Variants in BRCA1 observed in about 807,000 individuals in gnomAD.
BRCA1 encodes breast cancer type 1 susceptibility protein.
BRCA1 carries 140 observed loss-of-function variants against 173.7 expected under a neutral mutation model. The ratio of observed to expected loss-of-function variants is 0.81; its 90% CI spans 0.70 to 0.93. The LOEUF (loss-of-function observed/expected upper bound fraction) is 0.93, where lower values mean the gene tolerates loss of function less well. Ranked by LOEUF, BRCA1 falls within the 40% of genes least tolerant of loss-of-function variation. BRCA1 has a pLI of 0.00. For missense variants in BRCA1, 1,983 were observed against 2,172.5 expected, an observed-to-expected ratio of 0.91 and a Z score of 1.73; for synonymous variants, 662 against 756.0, an observed-to-expected ratio of 0.88 and a Z score of 2.04.
chr17:43,115,035 GCAAA>G (rs767911101), intron 3 of BRCA1, among the ~76,000 whole-genome samples: 74 of 152,244 alleles, frequency 4.9e-4, no homozygotes, highest in Non-Finnish European at 9.6e-4. Flanking sequence ...TACAAAGCGG[GCAAA>G]CACTGACCCT....
rs1555599187 is a variant in BRCA1, at chr17:43,115,717, C to G, written c.134+9G>C. 6.2e-7 allele frequency: 1 copy of G among 1,612,636 alleles called. No homozygotes were observed. Among genetic ancestry groups the G allele is most frequent in the Non-Finnish European group, 8.5e-7 (1 of 1,179,146 alleles). On this transcript the variant is annotated intron_variant, in intron 3 of 22. Transcript: ENST00000357654. The stretch of plus-strand genomic sequence containing the variant: ...TAATAATGGAGCCACATAACACATT[C>G]AAACTTACTTGCAAAATATGTGGTC...
chr17:43,110,588 A>C, intron 3 of BRCA1: 1 of 144,366 alleles, frequency 6.9e-6, no homozygotes. Flanking sequence ...ACCCTGTCTC[A>C]AAAAAAAAAA....
At chr17:43,067,349 G>A (rs754753105) in intron 16 of BRCA1, 11 of 343,862 alleles carry the variant, frequency 3.2e-5, no homozygotes, top group Non-Finnish European at 5.5e-5. Flanking sequence ...CCATCTCCCC[G>A]GTTCAAGTGA....
chr17:43,082,688 T>C (rs2053077787), intron 11 of BRCA1, 113 bp from the exon 12 acceptor site: 4 of 1,160,686 alleles, frequency 3.4e-6, no homozygotes, highest in Non-Finnish European at 5.0e-6. Context: ...TCACCTAGTA[T>C]GGAACTACAA....
intron 19 of BRCA1, 43 bp downstream of exon 19, chr17:43,057,009 T>C (rs770045451): frequency 1.3e-6 from 2 of 1,566,348 alleles, no homozygotes; most frequent in Non-Finnish European, 8.8e-7. Context: ...GAATACAGAG[T>C]GGTGGGGTGA....
chr17:43,065,116 C>G (rs1177686653), intron 16 of BRCA1, among the ~76,000 whole-genome samples: 1 of 152,176 alleles, frequency 6.6e-6, no homozygotes, highest in Non-Finnish European at 1.5e-5. Flanking sequence ...AGGCCTGAGC[C>G]ACCACGCTTG....
At chr17:43,064,642 C>T (rs1405325004) in intron 16 of BRCA1, among the ~76,000 whole-genome samples, 2 of 151,954 alleles carry the variant, frequency 1.3e-5, no homozygotes, top group Admixed American at 6.6e-5. Context: ...TATCTGCAAG[C>T]AGCAGCAGCA....
intron 2 of BRCA1, 24 bp downstream of exon 2, chr17:43,123,989 AAATT>A: frequency 6.4e-7 from 1 of 1,563,594 alleles, no homozygotes; most frequent in Non-Finnish European, 8.8e-7. Context: ...TAGGAATCCC[AAATT>A]AATACACTCT....
At chr17:43,086,462 A>C (rs1401657759) in intron 11 of BRCA1, among the ~76,000 whole-genome samples, 1 of 152,188 alleles carries the variant, frequency 6.6e-6, no homozygotes, top group Non-Finnish European at 1.5e-5. Context: ...CAGTACAAAA[A>C]GGGAAAAAAA....
chr17:43,093,391 T>C lies in BRCA1; in HGVS notation c.2140A>G (p.Asn714Asp), dbSNP rs568312345. Residue 714 changes from asparagine (N) to aspartate (D), a missense_variant, in exon 10 of 23, where the codon AAT (asparagine) becomes GAT (aspartate). Physicochemically the swap from Asn to Asp is conservative, Grantham distance 23. Transcript: ENST00000357654. Reference sequence around the variant, plus strand: ...ACAAATTCTTTAAGTTCACTGGTATTTGAACACTTAGTAAAAGAACCAGGT... The same window carrying C: ...ACAAATTCTTTAAGTTCACTGGTATCTGAACACTTAGTAAAAGAACCAGGT... ...NAPGSFTKCS[N>D]TSELKEFVNP... The C allele has an allele frequency of 1.2e-6, 2 of 1,614,102 alleles. No homozygotes were observed. Among genetic ancestry groups the C allele is most frequent in the South Asian group, 1.1e-5 (1 of 91,086 alleles).
chr17:43,126,143 G>C (rs1212820219), upstream of BRCA1, among the ~76,000 whole-genome samples: 6 of 152,228 alleles, frequency 3.9e-5, no homozygotes. Flanking sequence ...CGCCGAATTT[G>C]CCTGGGGCAG....
In BRCA1 at chr17:43,153,366, T is replaced by C. The variant is rs537110001; in HGVS notation, c.-20+16760A>G. Among the ~76,000 whole-genome samples, 34 of 152,342 alleles carry C rather than the reference T, an allele frequency of 2.2e-4. No individual in the cohort carries two copies. The East Asian group carries it at 6.0e-3, about 27-fold the overall frequency. On this transcript the variant is annotated intron_variant, in intron 1 of 7. Coordinates refer to the BRCA1 transcript ENST00000634433. ...TGTGGCTAGTGAGCCTTATCTCTCC[T>C]CCTTTCCCAGGCACTGTGAAGATCC...
intron 13 of BRCA1, among the ~76,000 whole-genome samples, chr17:43,074,887 C>T (rs2052638099): frequency 6.6e-6 from 1 of 150,410 alleles, no homozygotes; most frequent in African/African-American, 2.5e-5. Flanking sequence ...CGCCACTGCA[C>T]TCCAGCCTGA....
At chr17:43,088,794 A>G (rs2053330401) in intron 11 of BRCA1, among the ~76,000 whole-genome samples, 2 of 152,206 alleles carry the variant, frequency 1.3e-5, no homozygotes, top group Admixed American at 1.3e-4. Flanking sequence ...AACATAAGCA[A>G]ACTGTCTAAG....
intron 1 of BRCA1, among the ~76,000 whole-genome samples, chr17:43,137,234 A>G (rs2056032778): frequency 7.8e-6 from 1 of 128,476 alleles, no homozygotes; most frequent in Admixed American, 9.8e-5. Flanking sequence ...CAATGAGGAC[A>G]CTTGGACACA....
At chr17:43,103,432 G>A (rs1256615666) in intron 6 of BRCA1, among the ~76,000 whole-genome samples, 3 of 149,026 alleles carry the variant, frequency 2.0e-5, no homozygotes, top group Non-Finnish European at 3.0e-5. Flanking sequence ...GTGTCACTGC[G>A]CTCCAGCCTG....
chr17:43,082,652 AATT>A, intron 11 of BRCA1, 77 bp from the exon 12 acceptor site: 2 of 1,502,764 alleles, frequency 1.3e-6, no homozygotes, highest in Non-Finnish European at 1.8e-6. Flanking sequence ...ATATCATACA[AATT>A]AATTTTAGCA....
rs1178888270 is a variant in BRCA1, at chr17:43,094,178, T to C, written c.1353A>G (p.Ser451=). 6 of 1,614,092 alleles carry C rather than the reference T, an allele frequency of 3.7e-6. No individual in the cohort carries two copies. The highest frequency in any genetic ancestry group is 5.1e-6 in the Non-Finnish European group (6 of 1,180,004). Residue 451 remains serine (S), a synonymous_variant, in exon 10 of 23, where the codon TCA becomes TCG. Transcript: ENST00000357654. ...TTTTGTCTTCAATATTACTCTCTAC[T>C]GATTTGGAGTGAACTCTTTCACTTT... is the stretch of plus-strand genomic sequence containing the variant. ...ICKSERVHSK[S]VESNIEDKIF...
At chr17:43,096,380 A>AAAAAAAAAAAAAC (rs2054137266) in intron 8 of BRCA1, among the ~76,000 whole-genome samples, 1 of 149,878 alleles carries the variant, frequency 6.7e-6, no homozygotes, top group African/African-American at 2.4e-5. Context: ...CTGTCTCAAA[A>AAAAAAAAAAAAAC]AAAAAAAAAA....
Sources: gnomAD v4.1 joint callset for allele counts (sites outside exome capture counted in the v4.1 genomes callset) on GRCh38, gnomAD v4.1.1 for gene constraint, MANE v1.5 for transcripts, NCBI Gene and HGNC (gene_info 2026-07-23, HGNC 2026-07-21) for gene names.